PMPCA: variants seen among roughly 807,000 people sequenced by gnomAD.
PMPCA encodes mitochondrial-processing peptidase subunit alpha.
A neutral mutation model predicts 59.3 loss-of-function variants in PMPCA; 47 were observed. The ratio of observed to expected loss-of-function variants is 0.79; its 90% CI spans 0.63 to 1.01. The LOEUF (loss-of-function observed/expected upper bound fraction) is 1.01. Among genes scored for constraint, PMPCA ranks in the 50% least tolerant of loss-of-function variants. PMPCA has a pLI of 0.00. For synonymous variants in PMPCA, 338 were observed against 290.3 expected, an observed-to-expected ratio of 1.16 and a Z score of -1.67; for missense variants, 726 against 704.5, an observed-to-expected ratio of 1.03 and a Z score of -0.34.
intron 11 of PMPCA, chr9:136,419,521 G>A (rs982911179): frequency 5.4e-5 from 16 of 298,660 alleles, no homozygotes; most frequent in South Asian, 3.9e-4. Context: ...GGGCTGCAGC[G>A]TGGGGTGTCT....
rs370502909 is a variant in PMPCA at position 136,412,852 on chromosome 9, T to C, written c.397T>C (p.Leu133=). ...CAGCAAAGATGAAATTCTGCTTACG[T>C]TGGAAAAGCATGGGGGTATCTGTGA... ...FDSKDEILLT[L]EKHGGICDCQ... The change falls in exon 4 of 13, where the codon TTG becomes CTG. Residue 133 remains leucine, a synonymous_variant. Coordinates refer to ENST00000371717, the MANE Select transcript of PMPCA (RefSeq NM_015160.3). 5 of 1,610,266 alleles carry C rather than the reference T, an allele frequency of 3.1e-6. No individual in the cohort carries two copies. The highest frequency in any genetic ancestry group is 1.3e-5 in the African/African-American group (1 of 74,878).
chr9:136,414,813 T>A (rs890382600), intron 5 of PMPCA, among the ~76,000 whole-genome samples, 166 bp downstream of exon 5: 1 of 152,174 alleles, frequency 6.6e-6, no homozygotes, highest in African/African-American at 2.4e-5. Context: ...GGGCTGGGCA[T>A]GGTGGCTCAC....
chr9:136,421,790 A>AC (rs1374387195), intron 11 of PMPCA, 42 bp from the exon 12 acceptor site: 1 of 1,524,414 alleles, frequency 6.6e-7, no homozygotes, highest in Admixed American at 1.9e-5. Flanking sequence ...GGAAGGTGGC[A>AC]CGGGGCGGGT....
chr9:136,410,935 C>T (rs557532290), intron 1 of PMPCA, among the ~76,000 whole-genome samples, 196 bp downstream of exon 1: 2 of 152,388 alleles, frequency 1.3e-5, no homozygotes, highest in African/African-American at 2.4e-5. Flanking sequence ...CCATCTGTCT[C>T]TCCTCTCCCC....
intron 4 of PMPCA, 176 bp downstream of exon 4, chr9:136,413,068 C>G (rs568394611): frequency 5.4e-6 from 3 of 560,212 alleles, no homozygotes; most frequent in African/African-American, 3.8e-5. Flanking sequence ...AAGCACAGCC[C>G]CCAGGAGCTC....
rs935894242 is a variant in PMPCA at position 136,417,929 on chromosome 9, G to A, written c.898-88G>A. 4.8e-5 allele frequency: 47 copies of A among 970,110 alleles called. No homozygotes were observed. In the Middle Eastern group the frequency reaches 1.5e-3, roughly 30 times the overall value. The allele number at this position is 970,110 out of a possible 1,614,324, so 60.1% of individuals were successfully genotyped here. On this transcript the variant is annotated intron_variant, in intron 7 of 12. Transcript: ENST00000371717. ...TGCCTGGCTGGCATTGGATTTCTGT[G>A]TAACCACTCTGAAGATGATCTCATC...
At chr9:136,414,173 G>A (rs1835208851) in intron 4 of PMPCA, among the ~76,000 whole-genome samples, 2 of 152,228 alleles carry the variant, frequency 1.3e-5, no homozygotes, top group African/African-American at 2.4e-5. Flanking sequence ...CACCTTTTGA[G>A]AGAGAGTATA....
Position 136,417,044 on chromosome 9 carries a change from A to C in PMPCA, c.727A>C (p.Arg243=). 6.2e-7 allele frequency: 1 copy of C among 1,613,956 alleles called. No homozygotes were observed. Among genetic ancestry groups the C allele is most frequent in the Non-Finnish European group, 8.5e-7 (1 of 1,180,018 alleles). Residue 243 remains arginine, a synonymous_variant, in exon 7 of 13, where the codon AGG becomes CGG. Transcript: ENST00000371717. ...CCGAGAGGTGCTGCATTCCTACCTG[A>C]GGAACTACTACACTCCCGACCGCAT... ...INREVLHSYL[R]NYYTPDRMVL... is the part of the protein sequence containing the mutation.
chr9:136,421,901 ATCT>A lies in PMPCA; in HGVS notation c.1336_1338del (p.Phe446del). 1 of 1,611,978 alleles carries A rather than the reference ATCT, an allele frequency of 6.2e-7. No individual in the cohort carries two copies. On this transcript the variant is annotated inframe_deletion, in exon 12 of 13. Transcript: ENST00000371717. ...GATGAACCTGGAATCCAGGCCTGTG[ATCT>A]TCGAGGATGTGGGGAGGCAGGTGCT...
chr9:136,416,669 T>G (rs1015651399), intron 6 of PMPCA: 2 of 593,606 alleles, frequency 3.4e-6, no homozygotes, highest in Non-Finnish European at 6.0e-6. Context: ...GATTTCTGAG[T>G]CTGCTGTTTA....
At position 136,423,465 on chromosome 9, in the gene PMPCA, G is replaced by T; in HGVS notation, c.*201G>T. On this transcript the variant is annotated 3_prime_UTR_variant, in exon 13 of 13. Transcript: ENST00000371717. Reference sequence around the variant, plus strand: ...GGAGTCAGTATCGAGCCTGACCACCGCAAGCCAGGAAGCAGGTGAAGTGCC... The same window carrying T: ...GGAGTCAGTATCGAGCCTGACCACCTCAAGCCAGGAAGCAGGTGAAGTGCC... 1 of 585,672 alleles carries T rather than the reference G, an allele frequency of 1.7e-6. No individual in the cohort carries two copies. The highest frequency in any genetic ancestry group is 3.0e-5 in the Admixed American group (1 of 32,806). 36.3% of individuals were successfully genotyped at this position (585,672 alleles called of 1,614,324 possible).
At position 136,410,697 on chromosome 9, in the gene PMPCA, G is replaced by C. The variant is rs1007898550; in HGVS notation, c.29G>C (p.Arg10Pro). Reference sequence around the variant, plus strand: ...GCGGCTGTGGTGCTGGCGGCGACGCGGTTGCTGCGGGGCTCGGGTTCTTGG... The same window carrying C: ...GCGGCTGTGGTGCTGGCGGCGACGCCGTTGCTGCGGGGCTCGGGTTCTTGG... MAAVVLAAT[R>P]LLRGSGSWGC... The change falls in exon 1 of 13, where the codon CGG becomes CCG. Residue 10 changes from arginine to proline, a missense_variant. By Grantham distance (103) the Arg-to-Pro change is moderately radical. Transcript: ENST00000371717. 74 of 1,416,742 alleles carry C rather than the reference G, an allele frequency of 5.2e-5. No individual in the cohort carries two copies. Among genetic ancestry groups the C allele is most frequent in the Non-Finnish European group, 6.8e-5 (74 of 1,087,172 alleles). The allele number at this position is 1,416,742 out of a possible 1,614,324, so 87.8% of individuals were successfully genotyped here.
intron 11 of PMPCA, 113 bp from the exon 12 acceptor site, chr9:136,421,719 C>T (rs1835456094): frequency 2.9e-6 from 3 of 1,051,424 alleles, no homozygotes; most frequent in Non-Finnish European, 4.1e-6. Flanking sequence ...GCTGCCCTTC[C>T]CTTTCTTATG....
intron 9 of PMPCA, 68 bp downstream of exon 9, chr9:136,418,741 G>A (rs768197842): frequency 1.3e-5 from 20 of 1,497,284 alleles, no homozygotes; most frequent in Non-Finnish European, 1.6e-5. Context: ...GGACCATGAG[G>A]CCACCTTCCA....
At chr9:136,415,787 C>T (rs571510492) in intron 5 of PMPCA, among the ~76,000 whole-genome samples, 5 of 152,340 alleles carry the variant, frequency 3.3e-5, no homozygotes, top group South Asian at 2.1e-4. Context: ...CGCCCGCCAC[C>T]GCGCCCAGTT....
chr9:136,416,789 T>A, intron 6 of PMPCA, 162 bp from the exon 7 acceptor site: 1 of 628,734 alleles, frequency 1.6e-6, no homozygotes, highest in South Asian at 2.0e-5. Flanking sequence ...ATTTTACTCT[T>A]TATAAATACG....
chr9:136,412,934 G>A (rs751273505), intron 4 of PMPCA, 42 bp downstream of exon 4: 1 of 1,140,160 alleles, frequency 8.8e-7, no homozygotes, highest in Non-Finnish European at 1.3e-6. Context: ...GGGTCCTTGG[G>A]AACTGACGTT....
intron 4 of PMPCA, among the ~76,000 whole-genome samples, 169 bp from the exon 5 acceptor site, chr9:136,414,384 A>G (rs1268213178): frequency 6.6e-6 from 1 of 151,418 alleles, no homozygotes; most frequent in Non-Finnish European, 1.5e-5. Context: ...GCCCCAACAA[A>G]AGGTAGGTGC....
At chr9:136,416,716 G>C (rs980246993) in intron 6 of PMPCA, 1 of 591,020 alleles carries the variant, frequency 1.7e-6, no homozygotes, top group Non-Finnish European at 3.0e-6. Flanking sequence ...ATAGTAACTA[G>C]GTCTTTACTA....
Sources: gnomAD v4.1 joint callset for allele counts (sites outside exome capture counted in the v4.1 genomes callset) on GRCh38, gnomAD v4.1.1 for gene constraint, MANE v1.5 for transcripts, NCBI Gene and HGNC (gene_info 2026-07-23, HGNC 2026-07-21) for gene names.